Variants in TRMU observed in about 807,000 individuals in gnomAD.
TRMU encodes mitochondrial tRNA-specific 2-thiouridylase 1.
Under a neutral mutation model 46.9 loss-of-function variants are expected in TRMU, and 49 were observed. The ratio of observed to expected loss-of-function variants is 1.05; its 90% confidence interval spans 0.83 to 1.33. The LOEUF (loss-of-function observed/expected upper bound fraction) is 1.33. Ranked by LOEUF, TRMU falls within the 40% of genes most tolerant of loss-of-function variation. The pLI, the probability that TRMU is intolerant of heterozygous loss-of-function variation, is 0.00. For synonymous variants in TRMU, 241 were observed against 200.9 expected (o/e 1.20, Z -1.69); for missense variants, 572 against 532.4 (o/e 1.07, Z -0.73).
rs2078284686 is a variant in TRMU, at chr22:46,347,280, C to T, written c.478+736C>T. The stretch of plus-strand genomic sequence containing the variant: ...AGATGTTGGAGGGAGCCTTGTCCCG[C>T]CATCTGGGGAATAGGGGTCTCTGGG... On this transcript the variant is annotated intron_variant, in intron 4 of 10. Transcript: ENST00000645190. The surrounding 1 kb of genome is among the most constrained non-coding windows in gnomAD (Gnocchi z 5.0). The T allele has an allele frequency of 1.3e-5, 2 of 152,304 alleles. No individual in the cohort carries two copies. Among genetic ancestry groups the T allele is most frequent in the African/African-American group, 4.8e-5 (2 of 41,438 alleles). The allele number at this position is 152,304 out of a possible 1,614,324, so 9.4% of individuals were successfully genotyped here.
chr22:46,355,711 T>C (rs2078583137), intron 9 of TRMU, 123 bp downstream of exon 9: 3 of 1,500,308 alleles, frequency 2.0e-6, no homozygotes, highest in South Asian at 2.3e-5. Context: ...ATTTGGAGAT[T>C]ACCTAAAGTA....
chr22:46,350,069 A>G lies in TRMU; in HGVS notation c.479-222A>G, dbSNP rs2078368352. Among the ~76,000 whole-genome samples, 2 of 151,554 alleles carry G rather than the reference A, an allele frequency of 1.3e-5. No homozygotes were observed. The highest frequency in any genetic ancestry group is 2.1e-4 in the South Asian group (1 of 4,804). ...ATTATAATCTGAAGTATGAGCTGGA[A>G]TAATTTCTTTGTCATGTAAAATCCT... On this transcript the variant is annotated intron_variant, in intron 4 of 10. Transcript: ENST00000645190. This position sits in a 1 kb window ranked among gnomAD's most constrained non-coding sequence, Gnocchi z 4.6.
In TRMU at chr22:46,351,852, G is replaced by C; in HGVS notation, c.652-269G>C. Reference sequence around the variant, plus strand: ...GGCCTGAAGGACCTGACCGGGTTCTGCTTTCTTCCCCGGGGCAGCTGGTGT... The same window carrying C: ...GGCCTGAAGGACCTGACCGGGTTCTCCTTTCTTCCCCGGGGCAGCTGGTGT... On this transcript the variant is annotated intron_variant, in intron 5 of 10. Coordinates refer to ENST00000645190, the MANE Select transcript of TRMU (RefSeq NM_018006.5). The surrounding 1 kb of genome is among the most constrained non-coding windows in gnomAD (Gnocchi z 6.4). The C allele has an allele frequency of 3.6e-6, 2 of 557,978 alleles. No individual in the cohort carries two copies. The highest frequency in any genetic ancestry group is 6.5e-6 in the Non-Finnish European group (2 of 309,732). The allele number at this position is 557,978 out of a possible 1,614,324, so 34.6% of individuals were successfully genotyped here.
In TRMU at chr22:46,357,031, C is replaced by G. The variant is rs376008888; in HGVS notation, c.*25C>G. The G allele has an allele frequency of 4.8e-5, 78 of 1,613,092 alleles. No individual in the cohort carries two copies. In the African/African-American group the frequency reaches 9.9e-4, roughly 20 times the overall value. On this transcript the variant is annotated 3_prime_UTR_variant, in exon 11 of 11. Transcript: ENST00000645190. ...ACAGAGATGGATCTGCTAGAAGGAACCTGGAGAGCAGGACCCATGGCTGGG... is the reference window on the plus strand; with the variant it reads ...ACAGAGATGGATCTGCTAGAAGGAAGCTGGAGAGCAGGACCCATGGCTGGG...
intron 9 of TRMU, 134 bp from the exon 10 acceptor site, chr22:46,355,856 C>T (rs1410669519): frequency 1.8e-6 from 2 of 1,120,070 alleles, no homozygotes; most frequent in South Asian, 1.3e-5. Context: ...GTCCAGGGCC[C>T]AGGCTGGTGC....
intron 2 of TRMU, among the ~76,000 whole-genome samples, chr22:46,341,994 C>T (rs1445846172): frequency 2.6e-5 from 4 of 151,978 alleles, no homozygotes; most frequent in Middle Eastern, 3.2e-3. Flanking sequence ...GTCATCCTCA[C>T]GGAAGAAGGC....
At chr22:46,343,190 T>C in intron 2 of TRMU, 72 bp from the exon 3 acceptor site, 3 of 1,121,914 alleles carry the variant, frequency 2.7e-6, no homozygotes, top group South Asian at 2.7e-5. Flanking sequence ...AAACAAGCAA[T>C]TTAGTGAACT....
chr22:46,338,000 G>GT, intron 2 of TRMU, 56 bp downstream of exon 2: 1 of 1,610,040 alleles, frequency 6.2e-7, no homozygotes. Context: ...TCCTTGCAGT[G>GT]GAAGGATCCG....
intron 9 of TRMU, 167 bp from the exon 10 acceptor site, chr22:46,355,823 A>G (rs1489991649): frequency 4.0e-6 from 4 of 993,468 alleles, no homozygotes; most frequent in Non-Finnish European, 6.0e-6. Context: ...AAGTGTGTAC[A>G]CTGCCCCGCA....
chr22:46,355,665 G>T (rs2078581480), intron 9 of TRMU, 77 bp downstream of exon 9: 2 of 1,604,546 alleles, frequency 1.2e-6, no homozygotes, highest in Middle Eastern at 1.7e-4. Flanking sequence ...CCAGGGATGG[G>T]AGACCCTGGG....
Position 46,335,787 on chromosome 22 carries a change from T to C in TRMU, c.23T>C (p.Val8Ala). The C allele has an allele frequency of 1.3e-6, 2 of 1,559,112 alleles. No individual in the cohort carries two copies. The highest frequency in any genetic ancestry group is 1.7e-6 in the Non-Finnish European group (2 of 1,156,948). ...CGGATGCAGGCCTTGCGGCACGTCG[T>C]GTGCGCCCTGTCCGGCGGCGTGGAC... MQALRHV[V>A]CALSGGVDSA... Residue 8 changes from valine to alanine, a missense_variant, in exon 1 of 11, where the codon GTG becomes GCG. Physicochemically the swap from Val to Ala is moderately conservative, Grantham distance 64. Coordinates refer to ENST00000645190, the MANE Select transcript of TRMU (RefSeq NM_018006.5).
rs1487531977 is a variant in TRMU at position 46,339,952 on chromosome 22, T to C, written c.248+2008T>C. Among the ~76,000 whole-genome samples the C allele has an allele frequency of 6.9e-6, 1 of 145,056 alleles. No homozygotes were observed. The highest frequency in any genetic ancestry group is 6.9e-5 in the Admixed American group (1 of 14,564). ...CGGGGACATAAGAAAAAAAAAAGAG[T>C]GTGGCGGCCAAATACAGGATAAATC... On this transcript the variant is annotated intron_variant, in intron 2 of 10. Transcript: ENST00000645190. The surrounding 1 kb of genome is among the most constrained non-coding windows in gnomAD (Gnocchi z 4.8).
Position 46,342,750 on chromosome 22 carries a change from G to T in TRMU, c.249-512G>T, listed in dbSNP as rs892106789. On this transcript the variant is annotated intron_variant, in intron 2 of 10. Coordinates refer to ENST00000645190, the MANE Select transcript of TRMU (RefSeq NM_018006.5). The surrounding 1 kb of genome is among the most constrained non-coding windows in gnomAD (Gnocchi z 4.7). ...AGGCGGGCAGATCACTTGAGGCCAG[G>T]AGTTGGAGACCAGCCTGGCCAACAT... 1.1e-4 allele frequency among the ~76,000 whole-genome samples: 17 copies of T among 152,252 alleles called. No individual in the cohort carries two copies. The highest frequency in any genetic ancestry group is 3.9e-4 in the African/African-American group (16 of 41,466).
rs904459521 is a variant in TRMU at position 46,336,959 on chromosome 22, A to T, written c.83-820A>T. Among the ~76,000 whole-genome samples the T allele has an allele frequency of 4.6e-5, 7 of 152,080 alleles. No homozygotes were observed. The highest frequency in any genetic ancestry group is 1.7e-4 in the African/African-American group (7 of 41,396). ...GTGGGCTGGTTCTGGCCAGATGGAG[A>T]TGGAAGGAGAGGAGCCTGGAGCACG... On this transcript the variant is annotated intron_variant, in intron 1 of 10. Coordinates refer to ENST00000645190, the MANE Select transcript of TRMU (RefSeq NM_018006.5). The surrounding 1 kb of genome is among the most constrained non-coding windows in gnomAD (Gnocchi z 4.1).
At chr22:46,343,038 C>T (rs543382031) in intron 2 of TRMU, among the ~76,000 whole-genome samples, 23 of 152,354 alleles carry the variant, frequency 1.5e-4, no homozygotes, top group African/African-American at 4.8e-4. Context: ...TACACAGAGA[C>T]GGTGGCTCCT....
intron 2 of TRMU, among the ~76,000 whole-genome samples, chr22:46,340,921 C>T (rs58648160): frequency 0.058 from 8,811 of 152,324 alleles, 847 homozygotes; most frequent in African/African-American, 0.2. Context: ...CTGCCCTCTG[C>T]CCTCGCCCAG....
rs71905917 is a variant in TRMU at position 46,339,938 on chromosome 22, GA to G, written c.248+2004del. On this transcript the variant is annotated intron_variant, in intron 2 of 10. Coordinates refer to ENST00000645190, the MANE Select transcript of TRMU (RefSeq NM_018006.5). The surrounding 1 kb of genome is among the most constrained non-coding windows in gnomAD (Gnocchi z 4.8). Reference sequence around the variant, plus strand: ...TTCTGCAGTTTTCTCGGGGACATAAGAAAAAAAAAAGAGTGTGGCGGCCAAA... The same window carrying G: ...TTCTGCAGTTTTCTCGGGGACATAAGAAAAAAAAAGAGTGTGGCGGCCAAA... Among the ~76,000 whole-genome samples the G allele has an allele frequency of 6.8e-5, 10 of 147,344 alleles. No homozygotes were observed. The highest frequency in any genetic ancestry group is 2.2e-4 in the South Asian group (1 of 4,538).
chr22:46,345,990 ACTC>A (rs2078245661), intron 3 of TRMU, among the ~76,000 whole-genome samples: 1 of 150,708 alleles, frequency 6.6e-6, no homozygotes, highest in South Asian at 2.1e-4. Flanking sequence ...CTGGTCTTGA[ACTC>A]CTGAGCACAA....
rs993123776 is a variant in TRMU, at chr22:46,338,010, G to C, written c.248+66G>C. ...GTGGATCCTTGCAGTGGAAGGATCC[G>C]GTAACCAGCCAGACCGACGCCTGTG... On this transcript the variant is annotated intron_variant, in intron 2 of 10. Coordinates refer to ENST00000645190, the MANE Select transcript of TRMU (RefSeq NM_018006.5). The surrounding 1 kb of genome is among the most constrained non-coding windows in gnomAD (Gnocchi z 4.5). The C allele has an allele frequency of 3.7e-6, 6 of 1,603,916 alleles. No individual in the cohort carries two copies. Among genetic ancestry groups the C allele is most frequent in the Admixed American group, 1.7e-5 (1 of 59,960 alleles).
Sources: allele counts gnomAD v4.1 joint callset (sites outside exome capture counted in the v4.1 genomes callset), GRCh38; gene constraint gnomAD v4.1.1; non-coding constraint Gnocchi (gnomAD v3.1); transcripts MANE v1.5; gene names NCBI Gene and HGNC (gene_info 2026-07-23, HGNC 2026-07-21).